Variants in NDRG3 observed in about 807,000 individuals in gnomAD.
NDRG3 encodes NDRG family member 3.
In NDRG3, 23 loss-of-function variants were observed where a neutral mutation model predicts 57.2. The ratio of observed to expected loss-of-function variants is 0.40; its 90% confidence interval spans 0.29 to 0.57. The LOEUF (loss-of-function observed/expected upper bound fraction) is 0.57, where lower values mean the gene tolerates loss of function less well. Ranked by LOEUF, NDRG3 falls within the 20% of genes least tolerant of loss-of-function variation. The probability of loss-of-function intolerance (pLI) is 0.42; values close to 1 mark genes in which losing one functional copy is unlikely to be tolerated. For missense variants in NDRG3, 384 were observed against 457.3 expected (o/e 0.84, Z 1.46); for synonymous variants, 132 against 162.6 (o/e 0.81, Z 1.43).
At chr20:36,726,182 C>T (rs1984922264) in intron 1 of NDRG3, among the ~76,000 whole-genome samples, 3 of 152,244 alleles carry the variant, frequency 2.0e-5, no homozygotes, top group Admixed American at 1.3e-4. Context: ...CCTTGGCTTC[C>T]CAAAGTGCGG....
intron 3 of NDRG3, among the ~76,000 whole-genome samples, chr20:36,701,610 C>T (rs1366351967): frequency 7.0e-6 from 1 of 143,006 alleles, no homozygotes; most frequent in Non-Finnish European, 1.5e-5. Flanking sequence ...TGCAATGGTG[C>T]GATCTCAGCC....
intron 2 of NDRG3, among the ~76,000 whole-genome samples, chr20:36,710,418 G>C (rs1034944733): frequency 3.3e-5 from 5 of 152,124 alleles, no homozygotes; most frequent in African/African-American, 1.2e-4. Context: ...TTCATATTAT[G>C]TACAATGAGC....
Position 36,653,414 on chromosome 20 carries a change from T to C in NDRG3, c.*106A>G. 2.1e-6 allele frequency: 2 copies of C among 965,914 alleles called. No individual in the cohort carries two copies. Among genetic ancestry groups the C allele is most frequent in the Non-Finnish European group, 3.1e-6 (2 of 650,472 alleles). The allele number at this position is 965,914 out of a possible 1,614,324, so 59.8% of individuals were successfully genotyped here. A position where few individuals can be genotyped will look rare whatever the true frequency, so the allele number is the denominator to read the frequency against. ...CTACTAGAGAGAGGTTCAGTGGCCA[T>C]GCATGAGTTAAAGATAGTAGAGGCC... On this transcript the variant is annotated 3_prime_UTR_variant, in exon 16 of 16. Coordinates refer to ENST00000349004, the MANE Select transcript of NDRG3 (RefSeq NM_032013.4). The surrounding 1 kb of genome is among the most constrained non-coding windows in gnomAD (Gnocchi z 4.2).
chr20:36,729,899 C>T (rs1483389481), intron 1 of NDRG3, among the ~76,000 whole-genome samples: 1 of 152,082 alleles, frequency 6.6e-6, no homozygotes, highest in Non-Finnish European at 1.5e-5. Flanking sequence ...TGATTTCGTC[C>T]TGCCTTCTTC....
Position 36,653,422 on chromosome 20 carries a change from T to G in NDRG3, c.*98A>C. The G allele has an allele frequency of 1.8e-6, 2 of 1,085,962 alleles. No individual in the cohort carries two copies. Among genetic ancestry groups the G allele is most frequent in the South Asian group, 1.6e-5 (1 of 62,784 alleles). The allele number at this position is 1,085,962 out of a possible 1,614,324, so 67.3% of individuals were successfully genotyped here. ...GAGAGGTTCAGTGGCCATGCATGAG[T>G]TAAAGATAGTAGAGGCCAGTTTACT... On this transcript the variant is annotated 3_prime_UTR_variant, in exon 16 of 16. Coordinates refer to ENST00000349004, the MANE Select transcript of NDRG3 (RefSeq NM_032013.4). This position sits in a 1 kb window ranked among gnomAD's most constrained non-coding sequence, Gnocchi z 4.2.
rs372551236 is a variant in NDRG3, at chr20:36,683,018, G to A, written c.384-440C>T. 7.2e-5 allele frequency among the ~76,000 whole-genome samples: 11 copies of A among 152,128 alleles called. No homozygotes were observed. In the East Asian group the frequency reaches 7.8e-4, roughly 11 times the overall value. ...AGCACTTTGGGAGGCCGAGGCGAGC[G>A]GATCACGAAGTCAGGAGATCGAGAC... is the stretch of plus-strand genomic sequence containing the variant. On this transcript the variant is annotated intron_variant, in intron 6 of 15. Coordinates refer to ENST00000349004, the MANE Select transcript of NDRG3 (RefSeq NM_032013.4).
intron 3 of NDRG3, among the ~76,000 whole-genome samples, chr20:36,693,139 T>TATATATAC (rs1982460104): frequency 2.1e-5 from 1 of 46,978 alleles, no homozygotes. Context: ...TATATATATA[T>TATATATAC]ATACACACAC....
intron 1 of NDRG3, among the ~76,000 whole-genome samples, chr20:36,745,177 TG>T (rs1349871519): frequency 6.6e-6 from 1 of 151,950 alleles, no homozygotes; most frequent in African/African-American, 2.4e-5. Flanking sequence ...AGTGCAGAGG[TG>T]GTTATGCGAG....
intron 2 of NDRG3, among the ~76,000 whole-genome samples, chr20:36,718,160 T>C (rs1465905773): frequency 6.6e-6 from 1 of 152,202 alleles, no homozygotes; most frequent in Non-Finnish European, 1.5e-5. Context: ...TACCTTTTAC[T>C]ATATACACAA....
rs563651931 is a variant in NDRG3 at position 36,673,083 on chromosome 20, T to C, written c.532-1686A>G. On this transcript the variant is annotated intron_variant, in intron 8 of 15. Transcript: ENST00000349004. The stretch of plus-strand genomic sequence containing the variant: ...CTCACTGTGTTGCCCAGGGTAGTCT[T>C]GAACTCCTGAGCTCAAGCAATCCTC... Among the ~76,000 whole-genome samples, 8 of 152,020 alleles carry C rather than the reference T, an allele frequency of 5.3e-5. No individual in the cohort carries two copies. The South Asian group carries it at 1.7e-3, about 31-fold the overall frequency.
Position 36,671,062 on chromosome 20 carries a change from T to C in NDRG3, c.588+279A>G, listed in dbSNP as rs75336866. On this transcript the variant is annotated intron_variant, in intron 9 of 15. Transcript: ENST00000349004. ...GACCTCCTAATGGCTCTAAAGATGT[T>C]TGGGGAGGCACGTGATGTCAAACAT... is the stretch of plus-strand genomic sequence containing the variant. Among the ~76,000 whole-genome samples, 757 of 152,302 alleles carry C rather than the reference T, an allele frequency of 5.0e-3. 9 individuals are homozygous for C. The highest frequency in any genetic ancestry group is 0.017 in the African/African-American group (711 of 41,566).
intron 1 of NDRG3, among the ~76,000 whole-genome samples, chr20:36,740,348 A>AT (rs899718066): frequency 6.6e-5 from 10 of 151,696 alleles, no homozygotes; most frequent in East Asian, 3.9e-4. Flanking sequence ...ATCAACAACA[A>AT]TTTTTTTTTG....
chr20:36,718,317 A>G (rs903697351), intron 2 of NDRG3, among the ~76,000 whole-genome samples: 1 of 152,142 alleles, frequency 6.6e-6, no homozygotes, highest in African/African-American at 2.4e-5. Context: ...GAGCCAAGAG[A>G]GTTCTCATGA....
intron 1 of NDRG3, among the ~76,000 whole-genome samples, chr20:36,739,485 T>C (rs1009916482): frequency 2.1e-5 from 3 of 145,876 alleles, no homozygotes. Flanking sequence ...TCAACTTGTA[T>C]CCATGAAAGA....
At chr20:36,655,461 T>C (rs1272548245) in intron 15 of NDRG3, among the ~76,000 whole-genome samples, 5 of 151,950 alleles carry the variant, frequency 3.3e-5, no homozygotes, top group Admixed American at 1.3e-4. Flanking sequence ...AGCTCAGAGG[T>C]CTTACAATAC....
intron 8 of NDRG3, among the ~76,000 whole-genome samples, chr20:36,676,845 G>A (rs1390044737): frequency 1.3e-5 from 2 of 152,260 alleles, no homozygotes; most frequent in Non-Finnish European, 2.9e-5. Flanking sequence ...GGCTGGGGCT[G>A]CACACGCCAT....
At position 36,652,932 on chromosome 20, in the gene NDRG3, A is replaced by G. The variant is rs2065661007; in HGVS notation, c.*588T>C. Reference sequence around the variant, plus strand: ...ACCCTTCTGCTACTGGTCACAATCAATCAATGGTCCAGACGGCAATTATGA... The same window carrying G: ...ACCCTTCTGCTACTGGTCACAATCAGTCAATGGTCCAGACGGCAATTATGA... On this transcript the variant is annotated 3_prime_UTR_variant, in exon 16 of 16. Transcript: ENST00000349004. The G allele has an allele frequency of 6.6e-6, 1 of 152,426 alleles. No individual in the cohort carries two copies. Among genetic ancestry groups the G allele is most frequent in the African/African-American group, 2.4e-5 (1 of 41,452 alleles). The allele number at this position is 152,426 out of a possible 1,614,324, so 9.4% of individuals were successfully genotyped here.
chr20:36,694,502 C>A (rs1188682661), intron 3 of NDRG3, among the ~76,000 whole-genome samples: 1 of 152,204 alleles, frequency 6.6e-6, no homozygotes. Context: ...CAGAAGCATT[C>A]ATCTCCATCA....
chr20:36,661,087 A>G (rs1377444396), intron 12 of NDRG3, among the ~76,000 whole-genome samples: 1 of 152,074 alleles, frequency 6.6e-6, no homozygotes, highest in Non-Finnish European at 1.5e-5. Flanking sequence ...TCTGAGTACA[A>G]CTGGTTCTAA....
Sources: gnomAD v4.1 joint callset for allele counts (sites outside exome capture counted in the v4.1 genomes callset) on GRCh38, gnomAD v4.1.1 for gene constraint, Gnocchi (gnomAD v3.1) non-coding constraint, MANE v1.5 for transcripts, NCBI Gene and HGNC (gene_info 2026-07-23, HGNC 2026-07-21) for gene names.